OPCML: variants seen among roughly 807,000 people sequenced by gnomAD.
The protein encoded by OPCML is opioid-binding protein/cell adhesion molecule.
Under a neutral mutation model 37.8 loss-of-function variants are expected in OPCML, and 13 were observed. That is an observed-to-expected ratio of 0.34 (90% CI 0.22 to 0.55). The LOEUF is 0.55. Among genes scored for constraint, OPCML ranks in the 20% least tolerant of loss-of-function variants. The pLI is 0.91. For synonymous variants in OPCML, 176 were observed against 168.8 expected (o/e 1.04, Z -0.33); for missense variants, 341 against 435.6 (o/e 0.78, Z 1.93).
chr11:133,499,454 C>T (rs1947857867), intron 1 of OPCML, among the ~76,000 whole-genome samples: 1 of 152,118 alleles, frequency 6.6e-6, no homozygotes, highest in Non-Finnish European at 1.5e-5. Context: ...TCCCTGGCCT[C>T]CCCTCCTGTG....
chr11:133,414,082 A>G (rs1391622196), intron 1 of OPCML, among the ~76,000 whole-genome samples: 1 of 152,112 alleles, frequency 6.6e-6, no homozygotes, highest in Admixed American at 6.5e-5. Context: ...TCATTCCTGC[A>G]TTTTTCCTTT....
At chr11:133,442,765 GTC>G (rs1555159661) in intron 1 of OPCML, among the ~76,000 whole-genome samples, 1 of 149,588 alleles carries the variant, frequency 6.7e-6, no homozygotes, top group East Asian at 2.0e-4. Flanking sequence ...GTGTGTGTGT[GTC>G]TTTTTTGAGG....
chr11:133,102,152 A>T (rs779549159), intron 1 of OPCML, among the ~76,000 whole-genome samples: 4 of 152,172 alleles, frequency 2.6e-5, no homozygotes, highest in African/African-American at 9.7e-5. Flanking sequence ...ATTTGTCAAA[A>T]CCCATAGAAT....
chr11:132,500,694 T>A (rs1271067776), intron 4 of OPCML, among the ~76,000 whole-genome samples: 2 of 152,154 alleles, frequency 1.3e-5, no homozygotes, highest in Non-Finnish European at 2.9e-5. Flanking sequence ...CCTAATGCTC[T>A]CTCTCTCCTT....
chr11:132,683,159 A>C lies in OPCML; in HGVS notation c.147-25840T>G, dbSNP rs1393659824. Among the ~76,000 whole-genome samples, 4 of 152,236 alleles carry C rather than the reference A, an allele frequency of 2.6e-5. No homozygotes were observed. In the South Asian group the frequency reaches 6.2e-4, roughly 24 times the overall value. On this transcript the variant is annotated intron_variant, in intron 2 of 7. Transcript: ENST00000524381. ...ACCGAGTGTGGTGGCTCACACCCGTAATCCCAATAATTTGGGAAGTTGAGG... is the reference window on the plus strand; with the variant it reads ...ACCGAGTGTGGTGGCTCACACCCGTCATCCCAATAATTTGGGAAGTTGAGG...
At chr11:133,039,306 T>A (rs904327020) in intron 1 of OPCML, among the ~76,000 whole-genome samples, 2 of 152,182 alleles carry the variant, frequency 1.3e-5, no homozygotes, top group Admixed American at 1.3e-4. Context: ...ACCCCTGTGC[T>A]CAAGACAACC....
chr11:133,165,903 A>G (rs1292293334), intron 1 of OPCML, among the ~76,000 whole-genome samples: 1 of 152,218 alleles, frequency 6.6e-6, no homozygotes, highest in African/African-American at 2.4e-5. Flanking sequence ...AGAATACCTC[A>G]ATAAAAGCAA....
At chr11:133,381,010 C>T (rs1565604098) in intron 1 of OPCML, among the ~76,000 whole-genome samples, 2 of 152,108 alleles carry the variant, frequency 1.3e-5, no homozygotes, top group South Asian at 2.1e-4. Context: ...CAGGGCGAAG[C>T]GCAGGAAATA....
rs145262311 is a variant in OPCML at position 132,791,804 on chromosome 11, T to C, written c.147-134485A>G. Among the ~76,000 whole-genome samples, 671 of 152,246 alleles carry C rather than the reference T, an allele frequency of 4.4e-3. 3 individuals are homozygous for C. The highest frequency in any genetic ancestry group is 0.016 in the African/African-American group (650 of 41,554). ...CCTCCCTGTCACTTAGCTATCCTAG[T>C]GGTCTTTGAATGACATCACCTAGCT... On this transcript the variant is annotated intron_variant, in intron 2 of 7. Transcript: ENST00000524381.
At chr11:133,495,268 G>C (rs1414792174) in intron 1 of OPCML, among the ~76,000 whole-genome samples, 2 of 152,156 alleles carry the variant, frequency 1.3e-5, no homozygotes, top group East Asian at 1.9e-4. Flanking sequence ...GTATTCCATT[G>C]TATATATACC....
At chr11:132,582,818 T>A (rs1016680205) in intron 3 of OPCML, among the ~76,000 whole-genome samples, 10 of 149,998 alleles carry the variant, frequency 6.7e-5, no homozygotes, top group African/African-American at 2.0e-4. Flanking sequence ...ATAATAGGAG[T>A]GTCTTCAGAG....
At chr11:132,451,382 C>CG (rs1157196048) in intron 4 of OPCML, among the ~76,000 whole-genome samples, 9 of 48,184 alleles carry the variant, frequency 1.9e-4, no homozygotes, top group African/African-American at 6.6e-4. Flanking sequence ...AGGGCTGGGG[C>CG]GGGGGTGGGG....
intron 1 of OPCML, among the ~76,000 whole-genome samples, chr11:133,388,066 AG>A (rs1945095063): frequency 6.6e-6 from 1 of 152,034 alleles, no homozygotes; most frequent in Admixed American, 6.6e-5. Flanking sequence ...TTTTATTCGG[AG>A]TCTTAAGGGA....
At chr11:133,185,524 C>T (rs187694030) in intron 1 of OPCML, among the ~76,000 whole-genome samples, 312 of 152,150 alleles carry the variant, frequency 2.1e-3, no homozygotes, top group Non-Finnish European at 3.6e-3. Flanking sequence ...AGATGGGGTT[C>T]GGAGGGTGAA....
chr11:132,434,727 T>C (rs1211559914), intron 7 of OPCML, among the ~76,000 whole-genome samples: 1 of 152,204 alleles, frequency 6.6e-6, no homozygotes, highest in African/African-American at 2.4e-5. Context: ...ATAAAGTTTT[T>C]AGAACTAAAC....
At chr11:132,793,811 C>T (rs1168132232) in intron 2 of OPCML, among the ~76,000 whole-genome samples, 3 of 152,318 alleles carry the variant, frequency 2.0e-5, no homozygotes, top group African/African-American at 7.2e-5. Context: ...CTGCTGAGTT[C>T]GCACTAACGA....
intron 1 of OPCML, among the ~76,000 whole-genome samples, chr11:133,053,208 C>A (rs1466328275): frequency 1.3e-5 from 2 of 152,200 alleles, no homozygotes; most frequent in Non-Finnish European, 2.9e-5. Flanking sequence ...AGCCTTCTTT[C>A]TAGGTTTGCT....
rs1950362886 is a variant in OPCML at position 133,175,697 on chromosome 11, C to T, written c.62-232687G>A. Among the ~76,000 whole-genome samples, 4 of 143,410 alleles carry T rather than the reference C, an allele frequency of 2.8e-5. No individual in the cohort carries two copies. The South Asian group carries it at 6.6e-4, about 24-fold the overall frequency. 94.1% of individuals were successfully genotyped at this position (143,410 alleles called of 152,430 possible). A position where few individuals can be genotyped will look rare whatever the true frequency, so the allele number is the denominator to read the frequency against. On this transcript the variant is annotated intron_variant, in intron 1 of 7. Coordinates refer to ENST00000524381, the MANE Select transcript of OPCML (RefSeq NM_001012393.5). Reference sequence around the variant, plus strand: ...TTGAGAGTCTGGATTTAGAGTGTTTCTAGATGATCCGCATTAGATATGACG... The same window carrying T: ...TTGAGAGTCTGGATTTAGAGTGTTTTTAGATGATCCGCATTAGATATGACG...
At chr11:132,975,810 T>G in intron 1 of OPCML, among the ~76,000 whole-genome samples, 1 of 151,862 alleles carries the variant, frequency 6.6e-6, no homozygotes, top group Non-Finnish European at 1.5e-5. Context: ...TCGCTCTGTC[T>G]CCCAGGCTGG....
Sources: gnomAD v4.1 joint callset for allele counts (sites outside exome capture counted in the v4.1 genomes callset) on GRCh38, gnomAD v4.1.1 for gene constraint, MANE v1.5 for transcripts, NCBI Gene and HGNC (gene_info 2026-07-23, HGNC 2026-07-21) for gene names.